MAST4: variants seen among roughly 807,000 people sequenced by gnomAD.
MAST4 encodes the protein microtubule-associated serine/threonine-protein kinase 4.
In MAST4, 89 loss-of-function variants were observed where a neutral mutation model predicts 162.7. The observed-to-expected ratio is 0.55, with a 90% CI of 0.46 to 0.65. The LOEUF is 0.65. MAST4 is among the 30% of genes least tolerant of loss of function. The probability of loss-of-function intolerance (pLI) is 0.00; values close to 1 mark genes in which losing one functional copy is unlikely to be tolerated. For missense variants in MAST4, 3,153 were observed against 3,374.0 expected (o/e 0.93, Z 1.62); for synonymous variants, 1,479 against 1,361.1 (o/e 1.09, Z -1.91).
intron 1 of MAST4, among the ~76,000 whole-genome samples, chr5:66,677,927 C>A (rs79936387): frequency 1.6e-3 from 237 of 152,228 alleles, no homozygotes; most frequent in African/African-American, 5.6e-3. Flanking sequence ...CGCATCCAAT[C>A]CCTCCCCCTC....
chr5:67,094,068 A>G, intron 6 of MAST4: 1 of 735,906 alleles, frequency 1.4e-6, no homozygotes, highest in Non-Finnish European at 2.1e-6. Context: ...ATTTATCTCA[A>G]TTTCTTTTAT....
intron 4 of MAST4, among the ~76,000 whole-genome samples, chr5:67,014,059 A>G (rs959973437): frequency 6.6e-6 from 1 of 152,194 alleles, no homozygotes; most frequent in Non-Finnish European, 1.5e-5. Flanking sequence ...TACCTAGATC[A>G]GGAACTAAGT....
intron 5 of MAST4, among the ~76,000 whole-genome samples, chr5:67,069,307 T>TATATATATATATATATATATAG (rs1760633099): frequency 7.0e-6 from 1 of 142,940 alleles, no homozygotes; most frequent in African/African-American, 2.6e-5. Flanking sequence ...TATATATATA[T>TATATATATATATATATATATAG]ATATAAAATT....
intron 4 of MAST4, among the ~76,000 whole-genome samples, chr5:66,958,388 T>C (rs1377153080): frequency 6.6e-6 from 1 of 152,204 alleles, no homozygotes; most frequent in Non-Finnish European, 1.5e-5. Context: ...ATTAGGTTCT[T>C]TTAATAAATA....
At chr5:66,672,231 C>A (rs980681307) in intron 1 of MAST4, among the ~76,000 whole-genome samples, 8 of 152,166 alleles carry the variant, frequency 5.3e-5, no homozygotes, top group Admixed American at 3.3e-4. Flanking sequence ...ATATGCATAA[C>A]CTTCCTCGCC....
At chr5:66,976,277 CCTT>C (rs544832023) in intron 4 of MAST4, among the ~76,000 whole-genome samples, 116 of 152,352 alleles carry the variant, frequency 7.6e-4, no homozygotes, top group African/African-American at 2.6e-3. Context: ...TAGGCTCACT[CCTT>C]CTTCCTGGCA....
intron 9 of MAST4, among the ~76,000 whole-genome samples, chr5:67,102,917 CTG>C (rs777483497): frequency 6.6e-6 from 1 of 152,194 alleles, no homozygotes; most frequent in Non-Finnish European, 1.5e-5. Flanking sequence ...GGCCTCTAGA[CTG>C]TGCACTCTGT....
chr5:67,025,014 C>T (rs1754468441), intron 4 of MAST4, among the ~76,000 whole-genome samples: 1 of 152,078 alleles, frequency 6.6e-6, no homozygotes, highest in African/African-American at 2.4e-5. Flanking sequence ...CACGTTTCTG[C>T]CACTAACTAG....
chr5:66,876,277 C>G (rs1761296900), intron 3 of MAST4, among the ~76,000 whole-genome samples: 1 of 152,144 alleles, frequency 6.6e-6, no homozygotes, highest in African/African-American at 2.4e-5. Context: ...ATCTGAGTGG[C>G]AGCCAGAGAA....
chr5:66,905,534 T>C (rs1175496850), intron 4 of MAST4, among the ~76,000 whole-genome samples: 1 of 152,138 alleles, frequency 6.6e-6, no homozygotes, highest in Non-Finnish European at 1.5e-5. Flanking sequence ...ATAGAGTTTG[T>C]CAATGAAAGA....
At chr5:66,675,657 T>C (rs1307735235) in intron 1 of MAST4, among the ~76,000 whole-genome samples, 2 of 152,122 alleles carry the variant, frequency 1.3e-5, no homozygotes, top group Non-Finnish European at 2.9e-5. Flanking sequence ...GGGAGGCTCA[T>C]CAAATCTGCT....
At chr5:66,843,143 G>C (rs1348821817) in intron 3 of MAST4, among the ~76,000 whole-genome samples, 2 of 152,068 alleles carry the variant, frequency 1.3e-5, no homozygotes, top group Admixed American at 6.6e-5. Flanking sequence ...ATATTGTTGT[G>C]CCTCAGAAAA....
chr5:67,104,374 T>G lies in MAST4; in HGVS notation c.1155T>G (p.Ala385=). 6.2e-7 allele frequency: 1 copy of G among 1,613,056 alleles called. No homozygotes were observed. Among genetic ancestry groups the G allele is most frequent in the South Asian group, 1.1e-5 (1 of 91,050 alleles). The change falls in exon 10 of 29, where the codon GCT becomes GCG. Residue 385 remains alanine, a synonymous_variant. Transcript: ENST00000403625. ...GTGTCTTCTCTATATAGGCTACAGC[T>G]CAGATGGAAGAACGTCTAAAGGAAA... ...VYKERFPKAT[A]QMEERLKEII...
rs115347881 is a variant in MAST4 at position 66,824,666 on chromosome 5, A to C, written c.642+35872A>C. 3.9e-3 allele frequency among the ~76,000 whole-genome samples: 591 copies of C among 152,352 alleles called. 4 individuals are homozygous for C. Among genetic ancestry groups the C allele is most frequent in the African/African-American group, 0.013 (559 of 41,590 alleles). On this transcript the variant is annotated intron_variant, in intron 3 of 28. Transcript: ENST00000403625. The stretch of plus-strand genomic sequence containing the variant: ...CAGTCATGCGTCACTTAACAAGGAC[A>C]TGTTCTGAGAAATGTGTTGCTAGGT...
Position 67,164,760 on chromosome 5 carries a change from C to A in MAST4, c.5581C>A (p.Pro1861Thr). The change falls in exon 29 of 29, where the codon CCT (proline) becomes ACT (threonine). Residue 1861 changes from proline (P) to threonine (T), a missense_variant. Around this residue, in one of 7 missense-constraint regions of MAST4, gnomAD observed 1,644 missense variants for 1,495.0 expected, o/e 1.10. Coordinates refer to ENST00000403625, the MANE Select transcript of MAST4 (RefSeq NM_001164664.2). The surrounding 1 kb of genome is among the most constrained non-coding windows in gnomAD (Gnocchi z 5.3). Reference protein sequence around the residue: ...NDTTSARELSPSSLKMNKSYL... With the variant: ...NDTTSARELSTSSLKMNKSYL... ...TACCACCAGTGCAAGAGAGCTTTCT[C>A]CTTCCAGCTTAAAGATGAATAAATC... 6.2e-7 allele frequency: 1 copy of A among 1,614,020 alleles called. No individual in the cohort carries two copies. Among genetic ancestry groups the A allele is most frequent in the Non-Finnish European group, 8.5e-7 (1 of 1,179,898 alleles).
At chr5:66,642,892 T>A (rs544370691) in intron 1 of MAST4, among the ~76,000 whole-genome samples, 1 of 152,284 alleles carries the variant, frequency 6.6e-6, no homozygotes, top group Non-Finnish European at 1.5e-5. Flanking sequence ...GACTGTTATT[T>A]GCTGTGGTTT....
In MAST4 at chr5:66,597,000, G is replaced by A. The variant is rs1489953686; in HGVS notation, c.345G>A (p.Gln115=). The change falls in exon 1 of 29, where the codon CAG becomes CAA. Residue 115 remains glutamine (Q), a synonymous_variant. Transcript: ENST00000403625. ...PPAPRGSSAS[Q]EEQDEELDHI... ...CGCCCCGGGGCAGCAGCGCGTCCCAGGAGGAGCAGGACGAGGAGGTGGGCC... is the reference window on the plus strand; with the variant it reads ...CGCCCCGGGGCAGCAGCGCGTCCCAAGAGGAGCAGGACGAGGAGGTGGGCC... The A allele has an allele frequency of 1.4e-6, 2 of 1,451,870 alleles. No individual in the cohort carries two copies. The highest frequency in any genetic ancestry group is 1.5e-5 in the African/African-American group (1 of 67,718). 89.9% of individuals were successfully genotyped at this position (1,451,870 alleles called of 1,614,324 possible). A position where few individuals can be genotyped will look rare whatever the true frequency, so the allele number is the denominator to read the frequency against.
intron 1 of MAST4, among the ~76,000 whole-genome samples, chr5:66,695,559 C>T (rs548588600): frequency 2.6e-5 from 4 of 152,124 alleles, no homozygotes; most frequent in African/African-American, 9.6e-5. Flanking sequence ...TGAAGAATGT[C>T]AATCGTAGTT....
chr5:67,089,695 A>T (rs1763623345), intron 5 of MAST4, among the ~76,000 whole-genome samples: 1 of 152,234 alleles, frequency 6.6e-6, no homozygotes, highest in South Asian at 2.1e-4. Flanking sequence ...ATTTATCTTC[A>T]GGAACTCAGA....
Sources: allele counts gnomAD v4.1 joint callset (sites outside exome capture counted in the v4.1 genomes callset), GRCh38; gene constraint gnomAD v4.1.1; regional missense constraint gnomAD v4.1.1; non-coding constraint Gnocchi (gnomAD v3.1); transcripts MANE v1.5; gene names NCBI Gene and HGNC (gene_info 2026-07-23, HGNC 2026-07-21).